HSP90AA1: variants seen among roughly 807,000 people sequenced by gnomAD.
HSP90AA1 encodes the protein heat shock protein 90 alpha family class A member 1.
HSP90AA1 carries 18 observed loss-of-function variants against 73.3 expected under a neutral mutation model. The observed-to-expected ratio is 0.25, with a 90% CI of 0.17 to 0.36. The LOEUF (loss-of-function observed/expected upper bound fraction) is 0.36, where lower values mean the gene tolerates loss of function less well. HSP90AA1 is among the 10% of genes least tolerant of loss of function. HSP90AA1 has a pLI of 1.00. For synonymous variants in HSP90AA1, 477 were observed against 296.9 expected, an observed-to-expected ratio of 1.61 and a Z score of -6.24; for missense variants, 704 against 874.2, an observed-to-expected ratio of 0.81 and a Z score of 2.45.
chr14:102,102,601 G>A (rs1312297985), intron 1 of HSP90AA1, among the ~76,000 whole-genome samples: 8 of 152,204 alleles, frequency 5.3e-5, no homozygotes, highest in Admixed American at 2.6e-4. Flanking sequence ...CGAGTTCCCT[G>A]TTCCACACTC....
rs760253850 is a variant in HSP90AA1 at position 102,083,990 on chromosome 14, A to G, written c.1148-7T>C. On this transcript the variant is annotated splice_polypyrimidine_tract_variant and splice_region_variant and intron_variant, in intron 6 of 10. Coordinates refer to ENST00000216281, the MANE Select transcript of HSP90AA1 (RefSeq NM_005348.4). Reference sequence around the variant, plus strand: ...ACCACCCCTCTAATGAAGTCTGAAAAAAATATAAACCAAATGCACTGAGTC... The same window carrying G: ...ACCACCCCTCTAATGAAGTCTGAAAGAAATATAAACCAAATGCACTGAGTC... 1 of 1,610,086 alleles carries G rather than the reference A, an allele frequency of 6.2e-7. No homozygotes were observed. Among genetic ancestry groups the G allele is most frequent in the Admixed American group, 1.7e-5 (1 of 60,006 alleles).
chr14:102,086,446 C>T, intron 1 of HSP90AA1, 68 bp from the exon 2 acceptor site: 1 of 1,525,332 alleles, frequency 6.6e-7, no homozygotes. Context: ...AATTCCATCG[C>T]GTTCTCCAAA....
At chr14:102,082,588 C>T (rs2049123622) in intron 9 of HSP90AA1, 144 bp from the exon 10 acceptor site, 2 of 686,870 alleles carry the variant, frequency 2.9e-6, no homozygotes, top group East Asian at 5.4e-5. Flanking sequence ...CATTAGGTAT[C>T]CAAAGAGCAC....
intron 1 of HSP90AA1, among the ~76,000 whole-genome samples, chr14:102,137,742 C>T (rs931940100): frequency 5.9e-5 from 9 of 151,732 alleles, no homozygotes; most frequent in African/African-American, 2.2e-4. Context: ...TGGGACTGGG[C>T]ACTGTGGCTC....
chr14:102,090,532 C>T (rs148450554), upstream of HSP90AA1, among the ~76,000 whole-genome samples: 340 of 151,870 alleles, frequency 2.2e-3, 8 homozygotes, highest in East Asian at 0.052. Context: ...TTGTTACAAG[C>T]TCCGCCTCCC....
chr14:102,085,920 G>C lies in HSP90AA1; in HGVS notation c.367C>G (p.Gln123Glu). The change falls in exon 3 of 11, where the codon CAG (glutamine) becomes GAG (glutamate). Residue 123 changes from glutamine (Q) to glutamate (E), a missense_variant. Physicochemically the swap from Gln to Glu is conservative, Grantham distance 29 (BLOSUM62 2). Transcript: ENST00000216281. ...ATCATAGAGATATCTGCACCAGCCT[G>C]CAAAGCTTCCATGAACGCTTTGGTC... ...SGTKAFMEALQAGADISMIGQ... is the reference protein window; with the variant it reads ...SGTKAFMEALEAGADISMIGQ... The C allele has an allele frequency of 1.9e-6, 3 of 1,613,966 alleles. No homozygotes were observed. Among genetic ancestry groups the C allele is most frequent in the Non-Finnish European group, 2.5e-6 (3 of 1,179,848 alleles).
intron 2 of HSP90AA1, among the ~76,000 whole-genome samples, chr14:102,099,333 C>T (rs1460860079): frequency 6.6e-6 from 1 of 151,938 alleles, no homozygotes; most frequent in Non-Finnish European, 1.5e-5. Flanking sequence ...CCGAGGCATG[C>T]AGATCACCTG....
At chr14:102,099,515 A>C (rs1595667747) in intron 2 of HSP90AA1, among the ~76,000 whole-genome samples, 1 of 152,054 alleles carries the variant, frequency 6.6e-6, no homozygotes, top group Non-Finnish European at 1.5e-5. Flanking sequence ...CCGAGAGCGC[A>C]CCATTCACTC....
At chr14:102,136,661 G>C (rs1595685180) in intron 1 of HSP90AA1, among the ~76,000 whole-genome samples, 1 of 151,772 alleles carries the variant, frequency 6.6e-6, no homozygotes, top group East Asian at 1.9e-4. Context: ...GCCGAGGCTG[G>C]TGGATCACCT....
chr14:102,089,914 C>A (rs957975621), upstream of HSP90AA1, among the ~76,000 whole-genome samples: 3 of 152,222 alleles, frequency 2.0e-5, no homozygotes, highest in Non-Finnish European at 4.4e-5. Context: ...CCTAACTGCT[C>A]CCTGCATATG....
intron 1 of HSP90AA1, among the ~76,000 whole-genome samples, chr14:102,138,235 A>G (rs2050076583): frequency 6.6e-6 from 1 of 151,974 alleles, no homozygotes; most frequent in Non-Finnish European, 1.5e-5. Context: ...CCCAAAAATT[A>G]TACTTTTTTT....
In HSP90AA1 at chr14:102,084,001, C is replaced by T; in HGVS notation, c.1148-18G>A. On this transcript the variant is annotated intron_variant, in intron 6 of 10. Coordinates refer to ENST00000216281, the MANE Select transcript of HSP90AA1 (RefSeq NM_005348.4). ...AATGAAGTCTGAAAAAAATATAAAC[C>T]AAATGCACTGAGTCATTCCAAGGAC... 1 of 1,584,626 alleles carries T rather than the reference C, an allele frequency of 6.3e-7. No individual in the cohort carries two copies. The highest frequency in any genetic ancestry group is 8.7e-7 in the Non-Finnish European group (1 of 1,153,482).
At chr14:102,090,552 C>T (rs2049342388), upstream of HSP90AA1, among the ~76,000 whole-genome samples, 1 of 152,086 alleles carries the variant, frequency 6.6e-6, no homozygotes, top group South Asian at 2.1e-4. Context: ...CGGGTTCACG[C>T]CATTCTCCTA....
chr14:102,127,723 C>T (rs971808437), intron 1 of HSP90AA1, among the ~76,000 whole-genome samples: 1 of 152,110 alleles, frequency 6.6e-6, no homozygotes, highest in Non-Finnish European at 1.5e-5. Context: ...ATGAACACAG[C>T]TCACTGCAGC....
chr14:102,083,249 G>A lies in HSP90AA1; in HGVS notation c.1540C>T (p.His514Tyr), dbSNP rs762561920. Residue 514 changes from histidine (H) to tyrosine (Y), a missense_variant, in exon 9 of 11, where the codon CAT becomes TAT. His to Tyr is a moderately conservative substitution (Grantham distance 83). Coordinates refer to ENST00000216281, the MANE Select transcript of HSP90AA1 (RefSeq NM_005348.4). The stretch of plus-strand genomic sequence containing the variant: ...ATCATATAGATCACTTCTAAGCCAT[G>A]TTTCCGAAGACGTTCCACAAAGGCT... ...NSAFVERLRK[H>Y]GLEVIYMIEP... 5 of 1,614,014 alleles carry A rather than the reference G, an allele frequency of 3.1e-6. No individual in the cohort carries two copies. Among genetic ancestry groups the A allele is most frequent in the Non-Finnish European group, 4.2e-6 (5 of 1,180,004 alleles).
Position 102,086,025 on chromosome 14 carries a change from T to C in HSP90AA1, c.262A>G (p.Thr88Ala), listed in dbSNP as rs748260735. The stretch of plus-strand genomic sequence containing the variant: ...ATTCCAGTATCCACAATAGTGAGAG[T>C]TCGATCTTGTTTGTTCGGTATAAGG... Reference protein sequence around the residue: ...INLIPNKQDRTLTIVDTGIGM... With the variant: ...INLIPNKQDRALTIVDTGIGM... Residue 88 changes from threonine to alanine, a missense_variant, in exon 3 of 11, where the codon ACT becomes GCT. Coordinates refer to ENST00000216281, the MANE Select transcript of HSP90AA1 (RefSeq NM_005348.4). The C allele has an allele frequency of 6.2e-7, 1 of 1,613,906 alleles. No individual in the cohort carries two copies. The highest frequency in any genetic ancestry group is 8.5e-7 in the Non-Finnish European group (1 of 1,179,840).
At chr14:102,129,416 T>A (rs982768878) in intron 1 of HSP90AA1, among the ~76,000 whole-genome samples, 2 of 152,128 alleles carry the variant, frequency 1.3e-5, no homozygotes, top group Admixed American at 1.3e-4. Context: ...AAAGAAACCC[T>A]GGGCTCATTA....
chr14:102,138,261 G>A (rs1212331552), intron 1 of HSP90AA1, among the ~76,000 whole-genome samples: 1 of 151,860 alleles, frequency 6.6e-6, no homozygotes, highest in African/African-American at 2.4e-5. Flanking sequence ...TGATAATTAG[G>A]AAACACAGAT....
chr14:102,105,363 T>C (rs995300193), intron 1 of HSP90AA1, among the ~76,000 whole-genome samples: 1 of 151,998 alleles, frequency 6.6e-6, no homozygotes. Context: ...AACATGTACT[T>C]GTATACCCTG....
Sources: allele counts gnomAD v4.1 joint callset (sites outside exome capture counted in the v4.1 genomes callset), GRCh38; gene constraint gnomAD v4.1.1; transcripts MANE v1.5; gene names NCBI Gene and HGNC (gene_info 2026-07-23, HGNC 2026-07-21).